ASB18: variants seen among roughly 807,000 people sequenced by gnomAD.
ASB18 encodes the protein ankyrin repeat and SOCS box containing 18.
Under a neutral mutation model 33.4 loss-of-function variants are expected in ASB18, and 33 were observed. The ratio of observed to expected loss-of-function variants is 0.99; its 90% CI spans 0.75 to 1.32. The LOEUF (loss-of-function observed/expected upper bound fraction) is 1.32, where lower values mean the gene tolerates loss of function less well. Ranked by LOEUF, ASB18 falls within the 40% of genes most tolerant of loss-of-function variation. The pLI, the probability that ASB18 is intolerant of heterozygous loss-of-function variation, is 0.00. For missense variants in ASB18, 694 were observed against 655.5 expected (o/e 1.06, Z -0.64); for synonymous variants, 295 against 307.6 (o/e 0.96, Z 0.43).
In ASB18 at chr2:236,214,544, T is replaced by C. The variant is rs2060476117; in HGVS notation, c.919A>G (p.Ser307Gly). Residue 307 changes from serine to glycine, a missense_variant, in exon 4 of 6, where the codon AGC (serine) becomes GGC (glycine). Ser to Gly is a moderately conservative substitution (Grantham distance 56, BLOSUM62 0). Transcript: ENST00000409749. This position sits in a 1 kb window ranked among gnomAD's most constrained non-coding sequence, Gnocchi z 6.5. ...TGCCGCAGTAGGAGGCGCGCCAGGC[T>C]GTGGCTCGCGTGGCCGCAGGCTTTG... ...LHKACGHASH[S>G]LARLLLRHGA... 4 of 1,408,014 alleles carry C rather than the reference T, an allele frequency of 2.8e-6. No individual in the cohort carries two copies. In the South Asian group the frequency reaches 4.6e-5, roughly 16 times the overall value. 87.2% of individuals were successfully genotyped at this position (1,408,014 alleles called of 1,614,324 possible).
rs397827646 is a variant in ASB18 at position 236,195,520 on chromosome 2, C to CTT, written c.1216-465_1216-464dup. Among the ~76,000 whole-genome samples the CTT allele has an allele frequency of 0.01, 1,499 of 144,768 alleles. 21 individuals carry two copies. Among genetic ancestry groups the CTT allele is most frequent in the African/African-American group, 0.036 (1,420 of 39,544 alleles). 95.0% of individuals were successfully genotyped at this position (144,768 alleles called of 152,430 possible). A position where few individuals can be genotyped will look rare whatever the true frequency, so the allele number is the denominator to read the frequency against. On this transcript the variant is annotated intron_variant, in intron 5 of 5. Transcript: ENST00000409749. This position sits in a 1 kb window ranked among gnomAD's most constrained non-coding sequence, Gnocchi z 5.5. ...AAACACACACAACTCTTCTCACTCT[C>CTT]TTTTTTTTTTTTTGAGATGGAGTCT...
rs377620060 is a variant in ASB18 at position 236,240,062 on chromosome 2, C to T, written c.328+1218G>A. On this transcript the variant is annotated intron_variant, in intron 2 of 5. Coordinates refer to ENST00000409749, the MANE Select transcript of ASB18 (RefSeq NM_212556.4). ...AGCAGAACTTAGGGGTGGGAAGATT[C>T]GGGAGGGAAGGAGGAAACTGATTTT... Among the ~76,000 whole-genome samples the T allele has an allele frequency of 9.9e-5, 15 of 152,262 alleles. No homozygotes were observed. The East Asian group carries it at 2.1e-3, about 22-fold the overall frequency.
At position 236,252,614 on chromosome 2, in the gene ASB18, C is replaced by A. The variant is rs1293562890; in HGVS notation, c.206-11212G>T. Among the ~76,000 whole-genome samples, 2 of 152,140 alleles carry A rather than the reference C, an allele frequency of 1.3e-5. No individual in the cohort carries two copies. Among genetic ancestry groups the A allele is most frequent in the African/African-American group, 2.4e-5 (1 of 41,420 alleles). On this transcript the variant is annotated intron_variant, in intron 1 of 5. Transcript: ENST00000409749. This position sits in a 1 kb window ranked among gnomAD's most constrained non-coding sequence, Gnocchi z 7.9. ...CCTATGTTCTGGCCTGAGCAAGAGG[C>A]AGGTGTCACTAGCCACCATGCTATG...
rs1230200776 is a variant in ASB18 at position 236,203,919 on chromosome 2, G to A, written c.1102-7534C>T. 3.9e-5 allele frequency among the ~76,000 whole-genome samples: 5 copies of A among 129,176 alleles called. No homozygotes were observed. In the East Asian group the frequency reaches 1.2e-3, roughly 31 times the overall value. 84.7% of individuals were successfully genotyped at this position (129,176 alleles called of 152,430 possible). ...ACCAACCAACCAACCAACCAAACAA[G>A]GACATATCACCAAGGCTGGATCTGG... is the stretch of plus-strand genomic sequence containing the variant. On this transcript the variant is annotated intron_variant, in intron 4 of 5. Coordinates refer to ENST00000409749, the MANE Select transcript of ASB18 (RefSeq NM_212556.4). This position sits in a 1 kb window ranked among gnomAD's most constrained non-coding sequence, Gnocchi z 6.0.
intron 4 of ASB18, among the ~76,000 whole-genome samples, chr2:236,201,311 CAGGCT>C (rs1293269395): frequency 2.0e-5 from 3 of 152,044 alleles, no homozygotes; most frequent in Non-Finnish European, 1.5e-5. Context: ...GCCACTATGC[CAGGCT>C]AATTTAAAAA....
At position 236,244,388 on chromosome 2, in the gene ASB18, A is replaced by C. The variant is rs2060635077; in HGVS notation, c.206-2986T>G. Among the ~76,000 whole-genome samples, 1 of 152,196 alleles carries C rather than the reference A, an allele frequency of 6.6e-6. No homozygotes were observed. The highest frequency in any genetic ancestry group is 1.5e-5 in the Non-Finnish European group (1 of 68,044). On this transcript the variant is annotated intron_variant, in intron 1 of 5. Coordinates refer to ENST00000409749, the MANE Select transcript of ASB18 (RefSeq NM_212556.4). The surrounding 1 kb of genome is among the most constrained non-coding windows in gnomAD (Gnocchi z 6.1). ...GCATAGCATAAGCCCCCATTTGCTC[A>C]CAGCCAGTGTTAGACCTGGGGACCC...
In ASB18 at chr2:236,214,452, T is replaced by C. The variant is rs2106268739; in HGVS notation, c.1011A>G (p.Ala337=). Residue 337 remains alanine (A), a synonymous_variant, in exon 4 of 6, where the codon GCA becomes GCG. Transcript: ENST00000409749. This position sits in a 1 kb window ranked among gnomAD's most constrained non-coding sequence, Gnocchi z 6.5. ...ASPLGRVLQT[A]SCALQASPQR... ...GCGGTGAGGCCTGGAGAGCGCAGGATGCGGTCTGGAGCACGCGGCCCAGCG... is the reference window on the plus strand; with the variant it reads ...GCGGTGAGGCCTGGAGAGCGCAGGACGCGGTCTGGAGCACGCGGCCCAGCG... The C allele has an allele frequency of 6.5e-7, 1 of 1,536,502 alleles. No individual in the cohort carries two copies. Among genetic ancestry groups the C allele is most frequent in the Non-Finnish European group, 8.7e-7 (1 of 1,148,344 alleles).
rs2060366009 is a variant in ASB18 at position 236,195,181 on chromosome 2, A to G, written c.1216-124T>C. On this transcript the variant is annotated intron_variant, in intron 5 of 5. Coordinates refer to ENST00000409749, the MANE Select transcript of ASB18 (RefSeq NM_212556.4). This position sits in a 1 kb window ranked among gnomAD's most constrained non-coding sequence, Gnocchi z 5.5. ...TGGCTAACTGATCCCAGATAAGCGC[A>G]CTGGAGGGAGACGCACCATCTTGTG... is the stretch of plus-strand genomic sequence containing the variant. 3.5e-6 allele frequency: 3 copies of G among 854,600 alleles called. No homozygotes were observed. Among genetic ancestry groups the G allele is most frequent in the South Asian group, 1.8e-5 (1 of 55,470 alleles). 52.9% of individuals were successfully genotyped at this position (854,600 alleles called of 1,614,324 possible). A position where few individuals can be genotyped will look rare whatever the true frequency, so the allele number is the denominator to read the frequency against.
In ASB18 at chr2:236,195,967, G is replaced by A. The variant is rs2060370224; in HGVS notation, c.1215+305C>T. On this transcript the variant is annotated intron_variant, in intron 5 of 5. Transcript: ENST00000409749. This position sits in a 1 kb window ranked among gnomAD's most constrained non-coding sequence, Gnocchi z 5.5. Reference sequence around the variant, plus strand: ...TATGTCCTGACGTGGAGCTAGGCCCGTGGATTCAGGCGGCTCTGGCCTTTC... The same window carrying A: ...TATGTCCTGACGTGGAGCTAGGCCCATGGATTCAGGCGGCTCTGGCCTTTC... The A allele has an allele frequency of 9.8e-6, 4 of 407,602 alleles. No individual in the cohort carries two copies. The highest frequency in any genetic ancestry group is 4.3e-5 in the South Asian group (2 of 46,094). The allele number at this position is 407,602 out of a possible 1,614,324, so 25.2% of individuals were successfully genotyped here.
At position 236,253,791 on chromosome 2, in the gene ASB18, A is replaced by T. The variant is rs1446708043; in HGVS notation, c.205+10350T>A. 6.6e-6 allele frequency: 1 copy of T among 152,218 alleles called. No homozygotes were observed. Among genetic ancestry groups the T allele is most frequent in the Non-Finnish European group, 1.5e-5 (1 of 68,034 alleles). 9.4% of individuals were successfully genotyped at this position (152,218 alleles called of 1,614,324 possible). ...AAATCACACACATGGATGTTAGGTT[A>T]AAATTGCTGTAAACATGTCTAAATA... On this transcript the variant is annotated intron_variant, in intron 1 of 5. Coordinates refer to ENST00000409749, the MANE Select transcript of ASB18 (RefSeq NM_212556.4). The surrounding 1 kb of genome is among the most constrained non-coding windows in gnomAD (Gnocchi z 5.4).
rs1393658640 is a variant in ASB18 at position 236,195,538 on chromosome 2, TG to T, written c.1216-482del. On this transcript the variant is annotated intron_variant, in intron 5 of 5. Transcript: ENST00000409749. The surrounding 1 kb of genome is among the most constrained non-coding windows in gnomAD (Gnocchi z 5.5). The stretch of plus-strand genomic sequence containing the variant: ...TCACTCTCTTTTTTTTTTTTTGAGA[TG>T]GAGTCTAGCTCTGTCACCCAGGCTG... Among the ~76,000 whole-genome samples the T allele has an allele frequency of 6.6e-6, 1 of 150,498 alleles. No individual in the cohort carries two copies. The highest frequency in any genetic ancestry group is 1.5e-5 in the Non-Finnish European group (1 of 67,656).
In ASB18 at chr2:236,263,236, G is replaced by C. The variant is rs888662668; in HGVS notation, c.205+905C>G. On this transcript the variant is annotated intron_variant, in intron 1 of 5. Transcript: ENST00000409749. The surrounding 1 kb of genome is among the most constrained non-coding windows in gnomAD (Gnocchi z 4.0). ...GATGATGTCTATGTTACGTGAAGAAGTCCTACAAAATGATAAAAATGATTC... is the reference window on the plus strand; with the variant it reads ...GATGATGTCTATGTTACGTGAAGAACTCCTACAAAATGATAAAAATGATTC... Among the ~76,000 whole-genome samples, 1 of 152,230 alleles carries C rather than the reference G, an allele frequency of 6.6e-6. No individual in the cohort carries two copies. Among genetic ancestry groups the C allele is most frequent in the Non-Finnish European group, 1.5e-5 (1 of 68,050 alleles).
rs1409760644 is a variant in ASB18 at position 236,215,805 on chromosome 2, C to G, written c.597-939G>C. Among the ~76,000 whole-genome samples the G allele has an allele frequency of 1.3e-5, 2 of 152,104 alleles. No homozygotes were observed. The highest frequency in any genetic ancestry group is 4.8e-5 in the African/African-American group (2 of 41,430). Reference sequence around the variant, plus strand: ...AACACAAGCCCACCCCCAACTTCAGCCACCTGCTCCCATAGTCACCTGCCA... The same window carrying G: ...AACACAAGCCCACCCCCAACTTCAGGCACCTGCTCCCATAGTCACCTGCCA... On this transcript the variant is annotated intron_variant, in intron 3 of 5. Coordinates refer to ENST00000409749, the MANE Select transcript of ASB18 (RefSeq NM_212556.4). This position sits in a 1 kb window ranked among gnomAD's most constrained non-coding sequence, Gnocchi z 7.2.
chr2:236,259,678 G>C lies in ASB18; in HGVS notation c.205+4463C>G, dbSNP rs903699320. ...CTGACTGTAGAGCGTGGGGGGCTCA[G>C]CCTCAGTGAGCCCAGCAGGATGTTG... On this transcript the variant is annotated intron_variant, in intron 1 of 5. Coordinates refer to ENST00000409749, the MANE Select transcript of ASB18 (RefSeq NM_212556.4). This position sits in a 1 kb window ranked among gnomAD's most constrained non-coding sequence, Gnocchi z 4.4. 3 of 443,936 alleles carry C rather than the reference G, an allele frequency of 6.8e-6. No individual in the cohort carries two copies. The highest frequency in any genetic ancestry group is 9.5e-6 in the Non-Finnish European group (2 of 211,434). 27.5% of individuals were successfully genotyped at this position (443,936 alleles called of 1,614,324 possible). A position where few individuals can be genotyped will look rare whatever the true frequency, so the allele number is the denominator to read the frequency against.
rs2060597378 is a variant in ASB18 at position 236,237,348 on chromosome 2, CCGGG to C, written c.596+337_596+340del. ...CTAATTAAACCCGCGGGGGCCGGGG[CCGGG>C]GCGCGGGGCGGGGGCCGGGGCCGGG... On this transcript the variant is annotated intron_variant, in intron 3 of 5. Transcript: ENST00000409749. This position sits in a 1 kb window ranked among gnomAD's most constrained non-coding sequence, Gnocchi z 6.2. Among the ~76,000 whole-genome samples the C allele has an allele frequency of 1.2e-5, 1 of 83,316 alleles. No homozygotes were observed. The allele number at this position is 83,316 out of a possible 152,430, so 54.7% of individuals were successfully genotyped here.
Position 236,221,038 on chromosome 2 carries a change from C to T in ASB18, c.597-6172G>A, listed in dbSNP as rs948370711. Among the ~76,000 whole-genome samples the T allele has an allele frequency of 6.6e-6, 1 of 152,134 alleles. No homozygotes were observed. The highest frequency in any genetic ancestry group is 6.5e-5 in the Admixed American group (1 of 15,278). ...AGCTACCTGGCACGGTAGATGGCAT[C>T]CTCCCTCCTTTTTGGTGAGGAGTTC... On this transcript the variant is annotated intron_variant, in intron 3 of 5. Coordinates refer to ENST00000409749, the MANE Select transcript of ASB18 (RefSeq NM_212556.4). This position sits in a 1 kb window ranked among gnomAD's most constrained non-coding sequence, Gnocchi z 5.6.
At position 236,217,793 on chromosome 2, in the gene ASB18, G is replaced by A. The variant is rs537595671; in HGVS notation, c.597-2927C>T. Among the ~76,000 whole-genome samples the A allele has an allele frequency of 1.0e-3, 159 of 152,304 alleles. No individual in the cohort carries two copies. Among genetic ancestry groups the A allele is most frequent in the African/African-American group, 3.4e-3 (143 of 41,568 alleles). On this transcript the variant is annotated intron_variant, in intron 3 of 5. Transcript: ENST00000409749. This position sits in a 1 kb window ranked among gnomAD's most constrained non-coding sequence, Gnocchi z 5.2. ...TTGAGTGAAAGATCTTTACAAACAA[G>A]TACAGTTTGATGTGGAGTCCTTTGG...
intron 1 of ASB18, among the ~76,000 whole-genome samples, chr2:236,254,634 CCAT>C (rs2060683623): frequency 6.6e-6 from 1 of 151,600 alleles, no homozygotes; most frequent in African/African-American, 2.4e-5. Flanking sequence ...ATTTAATTTC[CCAT>C]CATTTTACTT....
rs1461284897 is a variant in ASB18 at position 236,235,561 on chromosome 2, T to C, written c.596+2128A>G. Reference sequence around the variant, plus strand: ...TGAAAATCAAAACTATAACAAGACATGTGTACACACCTATTAGAATGTATA... The same window carrying C: ...TGAAAATCAAAACTATAACAAGACACGTGTACACACCTATTAGAATGTATA... On this transcript the variant is annotated intron_variant, in intron 3 of 5. Transcript: ENST00000409749. The surrounding 1 kb of genome is among the most constrained non-coding windows in gnomAD (Gnocchi z 6.2). Among the ~76,000 whole-genome samples the C allele has an allele frequency of 6.6e-5, 10 of 152,186 alleles. No individual in the cohort carries two copies. The highest frequency in any genetic ancestry group is 5.9e-4 in the Admixed American group (9 of 15,276).
Sources: allele counts gnomAD v4.1 joint callset (sites outside exome capture counted in the v4.1 genomes callset), GRCh38; gene constraint gnomAD v4.1.1; non-coding constraint Gnocchi (gnomAD v3.1); transcripts MANE v1.5; gene names NCBI Gene and HGNC (gene_info 2026-07-23, HGNC 2026-07-21).